Variants in C11orf71 observed in about 807,000 individuals in gnomAD.
C11orf71 encodes the protein uncharacterized protein C11orf71.
For synonymous variants in C11orf71, 72 were observed against 73.4 expected (o/e 0.98, Z 0.09); for missense variants, 179 against 167.6 (o/e 1.07, Z -0.38).
chr11:114,393,944 G>T (rs1946092089), downstream of C11orf71, among the ~76,000 whole-genome samples: 1 of 152,124 alleles, frequency 6.6e-6, no homozygotes, highest in Non-Finnish European at 1.5e-5. Context: ...TTAAATAAAA[G>T]AATCCTTGTG....
chr11:114,394,284 T>TTTCTTTTCTTTTCTC (rs1441634194), downstream of C11orf71, among the ~76,000 whole-genome samples: 1 of 84,478 alleles, frequency 1.2e-5, no homozygotes, highest in Non-Finnish European at 2.1e-5. Context: ...TTTCTTTTCT[T>TTTCTTTTCTTTTCTC]TTCTCTTATT....
Position 114,400,195 on chromosome 11 carries a change from G to A in C11orf71, c.137C>T (p.Pro46Leu), listed in dbSNP as rs561777897. ...CCGAGGTCCTAGATGAATCGCTTCA[G>A]GCCTGGAAACGAGGAAGCCGTCTCC... is the stretch of plus-strand genomic sequence containing the variant. Reference protein sequence around the residue: ...VSGDGFLVSRPEAIHLGPRQA... With the variant: ...VSGDGFLVSRLEAIHLGPRQA... Residue 46 changes from proline to leucine, a missense_variant, in exon 1 of 1, where the codon CCT (proline) becomes CTT (leucine). By Grantham distance (98) the Pro-to-Leu change is moderately conservative. Transcript: ENST00000623205. The A allele has an allele frequency of 6.2e-7, 1 of 1,613,600 alleles. No individual in the cohort carries two copies. Among genetic ancestry groups the A allele is most frequent in the African/African-American group, 1.3e-5 (1 of 75,028 alleles).
At chr11:114,394,592 G>T (rs1176004249), downstream of C11orf71, among the ~76,000 whole-genome samples, 1 of 151,976 alleles carries the variant, frequency 6.6e-6, no homozygotes, top group African/African-American at 2.4e-5. Flanking sequence ...ACTGCGCCCA[G>T]CGAGACGGGA....
Position 114,398,797 on chromosome 11 carries a change from A to G in C11orf71, c.*1163T>C, listed in dbSNP as rs943757809. The G allele has an allele frequency of 3.3e-5, 5 of 152,210 alleles. No homozygotes were observed. Among genetic ancestry groups the G allele is most frequent in the African/African-American group, 9.6e-5 (4 of 41,452 alleles). The allele number at this position is 152,210 out of a possible 1,614,324, so 9.4% of individuals were successfully genotyped here. A position where few individuals can be genotyped will look rare whatever the true frequency, so the allele number is the denominator to read the frequency against. ...CTTAACACGTAGTTATAACAATTCA[A>G]TACTATGTGGTGTATGGAGATTTTG... On this transcript the variant is annotated 3_prime_UTR_variant, in exon 1 of 1. Transcript: ENST00000623205.
In C11orf71 at chr11:114,400,202, A is replaced by C; in HGVS notation, c.130T>G (p.Ser44Ala). 6.2e-7 allele frequency: 1 copy of C among 1,613,378 alleles called. No homozygotes were observed. The highest frequency in any genetic ancestry group is 8.5e-7 in the Non-Finnish European group (1 of 1,179,690). The change falls in exon 1 of 1, where the codon TCC (serine) becomes GCC (alanine). Residue 44 changes from serine (S) to alanine (A), a missense_variant. Physicochemically the swap from Ser to Ala is moderately conservative, Grantham distance 99. Transcript: ENST00000623205. ...CCTAGATGAATCGCTTCAGGCCTGGAAACGAGGAAGCCGTCTCCGGAGACC... is the reference window on the plus strand; with the variant it reads ...CCTAGATGAATCGCTTCAGGCCTGGCAACGAGGAAGCCGTCTCCGGAGACC... ...AMVSGDGFLVSRPEAIHLGPR... is the reference protein window; with the variant it reads ...AMVSGDGFLVARPEAIHLGPR...
At position 114,398,742 on chromosome 11, in the gene C11orf71, T is replaced by C. The variant is rs770540377; in HGVS notation, c.*1218A>G. 6.6e-6 allele frequency: 1 copy of C among 152,224 alleles called. No individual in the cohort carries two copies. Among genetic ancestry groups the C allele is most frequent in the Non-Finnish European group, 1.5e-5 (1 of 68,038 alleles). The allele number at this position is 152,224 out of a possible 1,614,324, so 9.4% of individuals were successfully genotyped here. A position where few individuals can be genotyped will look rare whatever the true frequency, so the allele number is the denominator to read the frequency against. The stretch of plus-strand genomic sequence containing the variant: ...TCTCACTATATTAATCACCCTCTTA[T>C]GGAAGCTATCTTGTTTACTCAACAT... On this transcript the variant is annotated 3_prime_UTR_variant, in exon 1 of 1. Transcript: ENST00000623205.
At chr11:114,393,932 G>A (rs1946091232), downstream of C11orf71, among the ~76,000 whole-genome samples, 1 of 152,130 alleles carries the variant, frequency 6.6e-6, no homozygotes, top group South Asian at 2.1e-4. Context: ...TGATTGTGAG[G>A]ATTAAATAAA....
Position 114,400,462 on chromosome 11 carries a change from G to A in C11orf71, c.-131C>T, listed in dbSNP as rs1222572959. The stretch of plus-strand genomic sequence containing the variant: ...ACAGGAACCCATAACTGAGCCTGCG[G>A]AAGAGCCAGAAGCCGCCTTGCCTTT... On this transcript the variant is annotated 5_prime_UTR_variant, in exon 1 of 1. Transcript: ENST00000623205. 3.0e-6 allele frequency: 4 copies of A among 1,328,426 alleles called. No homozygotes were observed. Among genetic ancestry groups the A allele is most frequent in the Admixed American group, 2.8e-5 (1 of 35,618 alleles). The allele number at this position is 1,328,426 out of a possible 1,614,324, so 82.3% of individuals were successfully genotyped here. A position where few individuals can be genotyped will look rare whatever the true frequency, so the allele number is the denominator to read the frequency against.
At chr11:114,394,194 TTTTC>T (rs1333095737), downstream of C11orf71, among the ~76,000 whole-genome samples, 2 of 45,334 alleles carry the variant, frequency 4.4e-5, no homozygotes, top group African/African-American at 1.9e-4. Context: ...TTTTCTTTTC[TTTTC>T]TTTTCTTTTC....
intron 1 of C11orf71, among the ~76,000 whole-genome samples, chr11:114,392,566 GAAA>G (rs1173516744): frequency 2.2e-5 from 3 of 134,034 alleles, no homozygotes; most frequent in African/African-American, 8.3e-5. Flanking sequence ...AGAAGAAGAA[GAAA>G]AAAGAAAAAA....
exon 2 of C11orf71, chr11:114,391,486 G>A (rs941610720): frequency 1.3e-6 from 1 of 783,046 alleles, no homozygotes; most frequent in African/African-American, 1.8e-5. Context: ...ATTCATATAG[G>A]TAAGATCATA....
Position 114,400,133 on chromosome 11 carries a change from G to T in C11orf71, c.199C>A (p.Arg67=), listed in dbSNP as rs368960261. ...VRPSVRAESR[R]VDGGGRSPRE... Reference sequence around the variant, plus strand: ...GGGCTCCGGCCGCCACCATCCACTCGACGGCTCTCGGCCCGAACGCTTGGT... The same window carrying T: ...GGGCTCCGGCCGCCACCATCCACTCTACGGCTCTCGGCCCGAACGCTTGGT... Residue 67 remains arginine, a synonymous_variant, in exon 1 of 1, where the codon CGA becomes AGA. Transcript: ENST00000623205. The T allele has an allele frequency of 9.9e-6, 16 of 1,613,838 alleles. No homozygotes were observed. The highest frequency in any genetic ancestry group is 1.4e-5 in the Non-Finnish European group (16 of 1,179,880).
Position 114,400,171 on chromosome 11 carries a change from C to G in C11orf71, c.161G>C (p.Arg54Pro), listed in dbSNP as rs765162349. ...SRPEAIHLGPRQAVRPSVRAE... is the reference protein window; with the variant it reads ...SRPEAIHLGPPQAVRPSVRAE... ...CCGAACGCTTGGTCGCACCGCCTGC[C>G]GAGGTCCTAGATGAATCGCTTCAGG... The change falls in exon 1 of 1, where the codon CGG (arginine) becomes CCG (proline). Residue 54 changes from arginine to proline, a missense_variant. Coordinates refer to ENST00000623205, the MANE Select transcript of C11orf71 (RefSeq NM_001271562.2). The G allele has an allele frequency of 3.7e-6, 6 of 1,613,716 alleles. No homozygotes were observed. Among genetic ancestry groups the G allele is most frequent in the Admixed American group, 1.7e-5 (1 of 59,984 alleles).
At chr11:114,392,764 T>A in intron 1 of C11orf71, among the ~76,000 whole-genome samples, 1 of 145,746 alleles carries the variant, frequency 6.9e-6, no homozygotes, top group African/African-American at 2.6e-5. Flanking sequence ...AATTGTACAA[T>A]GCATCTTTTT....
chr11:114,400,253 T>C lies in C11orf71; in HGVS notation c.79A>G (p.Arg27Gly). ...ATCGCCAACGCTGACGCCCGCGGTC[T>C]GAGGTCGCCATGGGAAGAGCGGTAG... ...VAYRSSHGDL[R>G]PRASALAMVS... Residue 27 changes from arginine (R) to glycine (G), a missense_variant, in exon 1 of 1, where the codon AGA (arginine) becomes GGA (glycine). Coordinates refer to ENST00000623205, the MANE Select transcript of C11orf71 (RefSeq NM_001271562.2). 6.2e-7 allele frequency: 1 copy of C among 1,611,318 alleles called. No homozygotes were observed. Among genetic ancestry groups the C allele is most frequent in the African/African-American group, 1.3e-5 (1 of 74,984 alleles).
At chr11:114,391,772 C>T in intron 1 of C11orf71, 1 of 501,236 alleles carries the variant, frequency 2.0e-6, no homozygotes, top group Non-Finnish European at 3.6e-6. Context: ...TAAACATGTG[C>T]TGACAAAATT....
downstream of C11orf71, among the ~76,000 whole-genome samples, chr11:114,395,917 G>A (rs754850107): frequency 6.6e-6 from 1 of 152,192 alleles, no homozygotes; most frequent in Non-Finnish European, 1.5e-5. Context: ...TGTTTGTTTA[G>A]AAAGAGTCTC....
exon 2 of C11orf71, chr11:114,391,476 A>G (rs1461534358): frequency 6.0e-6 from 4 of 669,714 alleles, no homozygotes; most frequent in Non-Finnish European, 8.7e-6. Context: ...TGCATATTTC[A>G]TTCATATAGG....
chr11:114,394,759 G>T (rs1946118003), downstream of C11orf71, among the ~76,000 whole-genome samples: 2 of 151,754 alleles, frequency 1.3e-5, no homozygotes, highest in African/African-American at 4.9e-5. Flanking sequence ...GGTTTCCAGG[G>T]TTTTTTAAAA....
Sources: allele counts gnomAD v4.1 joint callset (sites outside exome capture counted in the v4.1 genomes callset), GRCh38; gene constraint gnomAD v4.1.1; transcripts MANE v1.5; gene names NCBI Gene and HGNC (gene_info 2026-07-23, HGNC 2026-07-21).